The following ALPK3 variants were observed in gnomAD, a reference collection of about 807,000 sequenced individuals.
ALPK3 encodes the protein alpha kinase 3, also known as alpha-protein kinase 3.
ALPK3 carries 102 observed loss-of-function variants against 140.0 expected under a neutral mutation model. The observed-to-expected ratio is 0.73, with a 90% CI of 0.62 to 0.86. ALPK3 has a LOEUF of 0.86. Ranked by LOEUF, ALPK3 falls within the 40% of genes least tolerant of loss-of-function variation. ALPK3 has a pLI of 0.00. For synonymous variants in ALPK3, 938 were observed against 898.5 expected, an observed-to-expected ratio of 1.04 and a Z score of -0.79; for missense variants, 2,254 against 2,208.2, an observed-to-expected ratio of 1.02 and a Z score of -0.42.
intron 3 of ALPK3, among the ~76,000 whole-genome samples, chr15:84,832,058 A>G (rs889888377): frequency 3.3e-5 from 5 of 152,154 alleles, no homozygotes; most frequent in African/African-American, 9.7e-5. Flanking sequence ...CAAATAATAA[A>G]CTTCATCTTT....
chr15:84,825,187 TA>T lies in ALPK3; in HGVS notation c.182+1820del, dbSNP rs201517563. On this transcript the variant is annotated intron_variant, in intron 2 of 13. Coordinates refer to ENST00000258888, the MANE Select transcript of ALPK3 (RefSeq NM_020778.5). ...TAACTACTTGTTTTTATTTTATTAT[TA>T]TTTTTTTTTTGAGGCATCTCTCTCT... 1.0e-3 allele frequency among the ~76,000 whole-genome samples: 158 copies of T among 150,910 alleles called. 1 individual carries two copies. Among genetic ancestry groups the T allele is most frequent in the African/African-American group, 2.6e-3 (106 of 41,154 alleles).
rs748048844 is a variant in ALPK3, at chr15:84,856,886, G to A, written c.2148G>A (p.Ala716=). The change falls in exon 6 of 14, where the codon GCG becomes GCA. Residue 716 remains alanine (A), a synonymous_variant. Transcript: ENST00000258888. ...GEKGTQSEGS[A]PTAMEGQSEQ... Reference sequence around the variant, plus strand: ...AGGGGACGCAGTCAGAGGGGAGCGCGCCCACAGCCATGGAAGGTCAGTCTG... The same window carrying A: ...AGGGGACGCAGTCAGAGGGGAGCGCACCCACAGCCATGGAAGGTCAGTCTG... The A allele has an allele frequency of 1.7e-5, 27 of 1,613,862 alleles. No individual in the cohort carries two copies. The highest frequency in any genetic ancestry group is 2.7e-5 in the African/African-American group (2 of 74,860).
At chr15:84,826,388 C>T (rs1009797703) in intron 2 of ALPK3, among the ~76,000 whole-genome samples, 6 of 152,118 alleles carry the variant, frequency 3.9e-5, no homozygotes, top group African/African-American at 1.2e-4. Flanking sequence ...GTCTTTCTCA[C>T]TACAGTTTCT....
intron 5 of ALPK3, among the ~76,000 whole-genome samples, chr15:84,851,603 A>G (rs1274634603): frequency 6.6e-6 from 1 of 152,022 alleles, no homozygotes. Flanking sequence ...TTCCAGAGCT[A>G]TTTTCTTTAC....
At chr15:84,861,185 A>G (rs1394844638) in intron 9 of ALPK3, among the ~76,000 whole-genome samples, 2 of 152,220 alleles carry the variant, frequency 1.3e-5, no homozygotes, top group African/African-American at 4.8e-5. Context: ...AGTCTCTCTT[A>G]ATATTTAACA....
chr15:84,855,557 C>T (rs1163164429), intron 5 of ALPK3, among the ~76,000 whole-genome samples: 1 of 152,108 alleles, frequency 6.6e-6, no homozygotes, highest in African/African-American at 2.4e-5. Flanking sequence ...GACAGGAAGT[C>T]CTTTAAAAGT....
At chr15:84,832,286 G>A (rs974204200) in intron 3 of ALPK3, among the ~76,000 whole-genome samples, 1 of 152,186 alleles carries the variant, frequency 6.6e-6, no homozygotes, top group Non-Finnish European at 1.5e-5. Context: ...GCTGTCTTGA[G>A]TCTGCTAAGT....
At chr15:84,848,051 G>C (rs1596152297) in intron 5 of ALPK3, among the ~76,000 whole-genome samples, 2 of 141,104 alleles carry the variant, frequency 1.4e-5, no homozygotes, top group South Asian at 4.6e-4. Context: ...GACAAAGCCA[G>C]ACTTGATCTC....
intron 5 of ALPK3, among the ~76,000 whole-genome samples, chr15:84,854,800 A>G (rs1963842116): frequency 6.6e-6 from 1 of 152,182 alleles, no homozygotes; most frequent in Non-Finnish European, 1.5e-5. Context: ...GGCATAGAAC[A>G]TTGACATTCT....
intron 5 of ALPK3, among the ~76,000 whole-genome samples, chr15:84,850,879 T>TATATATACACACAC (rs144798232): frequency 1.5e-3 from 217 of 142,470 alleles, no homozygotes; most frequent in Non-Finnish European, 2.6e-3. Flanking sequence ...GTTCCAGATA[T>TATATATACACACAC]ACACACACAC....
At chr15:84,860,547 G>A (rs1420137589) in intron 9 of ALPK3, among the ~76,000 whole-genome samples, 1 of 152,206 alleles carries the variant, frequency 6.6e-6, no homozygotes, top group Non-Finnish European at 1.5e-5. Flanking sequence ...TACCTTCAAA[G>A]TTTGATACAC....
chr15:84,852,063 C>CTA (rs1308846515), intron 5 of ALPK3, among the ~76,000 whole-genome samples: 1 of 152,130 alleles, frequency 6.6e-6, no homozygotes, highest in Non-Finnish European at 1.5e-5. Flanking sequence ...GTACCAAACC[C>CTA]TATATATATT....
In ALPK3 at chr15:84,857,910, G is replaced by A. The variant is rs780153925; in HGVS notation, c.3172G>A (p.Ala1058Thr). The change falls in exon 6 of 14, where the codon GCC becomes ACC. Residue 1058 changes from alanine (A) to threonine (T), a missense_variant. This residue lies in a region of ALPK3 where 2,088 missense variants were observed against 2,022.9 expected (regional missense o/e 1.03). Coordinates refer to ENST00000258888, the MANE Select transcript of ALPK3 (RefSeq NM_020778.5). ...GGCTGGCCGCCAGGCCCTTGCTGCTGCCCGAGGCTCCTGGGGTCCTGGTCC... is the reference window on the plus strand; with the variant it reads ...GGCTGGCCGCCAGGCCCTTGCTGCTACCCGAGGCTCCTGGGGTCCTGGTCC... Reference protein sequence around the residue: ...VQAGRQALAAARGSWGPGPSS... With the variant: ...VQAGRQALAATRGSWGPGPSS... The A allele has an allele frequency of 1.9e-6, 3 of 1,611,342 alleles. No homozygotes were observed. The highest frequency in any genetic ancestry group is 2.7e-5 in the African/African-American group (2 of 74,884).
chr15:84,836,732 G>C (rs1439198054), intron 3 of ALPK3, among the ~76,000 whole-genome samples: 1 of 152,238 alleles, frequency 6.6e-6, no homozygotes, highest in Non-Finnish European at 1.5e-5. Flanking sequence ...AACGTCCAGG[G>C]TAGAAGACTG....
intron 5 of ALPK3, among the ~76,000 whole-genome samples, chr15:84,848,354 G>A (rs978034453): frequency 6.6e-6 from 1 of 152,100 alleles, no homozygotes; most frequent in African/African-American, 2.4e-5. Flanking sequence ...ATATGATGGT[G>A]AGATTACTGT....
intron 9 of ALPK3, 46 bp from the exon 10 acceptor site, chr15:84,862,589 G>T (rs1963959495): frequency 6.4e-7 from 1 of 1,552,146 alleles, no homozygotes; most frequent in Non-Finnish European, 8.7e-7. Flanking sequence ...CCACATTGGT[G>T]AGACAGGAGC....
intron 13 of ALPK3, among the ~76,000 whole-genome samples, chr15:84,867,853 G>A (rs1025729736): frequency 8.5e-5 from 13 of 152,130 alleles, no homozygotes; most frequent in Admixed American, 5.2e-4. Flanking sequence ...GCTGGGGAGG[G>A]AGGATTTCTT....
intron 5 of ALPK3, among the ~76,000 whole-genome samples, chr15:84,852,827 T>G (rs1018550993): frequency 6.6e-6 from 1 of 152,168 alleles, no homozygotes; most frequent in Non-Finnish European, 1.5e-5. Context: ...AGGGGAGTGT[T>G]TCAGTCAGGT....
chr15:84,862,821 G>A lies in ALPK3; in HGVS notation c.4316G>A (p.Gly1439Asp), dbSNP rs761316026. The change falls in exon 10 of 14, where the codon GGC (glycine) becomes GAC (aspartate). Residue 1439 changes from glycine to aspartate, a missense_variant. Coordinates refer to ENST00000258888, the MANE Select transcript of ALPK3 (RefSeq NM_020778.5). ...GGGCTGGAACCCATCTTCGAGTCGG[G>A]CCGCACGTGCATCATCAAGGTGTCC... ...IYGLEPIFES[G>D]RTCIIKVSSL... 1 of 1,614,028 alleles carries A rather than the reference G, an allele frequency of 6.2e-7. No individual in the cohort carries two copies.
Sources: allele counts gnomAD v4.1 joint callset (sites outside exome capture counted in the v4.1 genomes callset), GRCh38; gene constraint gnomAD v4.1.1; regional missense constraint gnomAD v4.1.1; transcripts MANE v1.5; gene names NCBI Gene and HGNC (gene_info 2026-07-23, HGNC 2026-07-21).